YTHDC2: variants seen among roughly 807,000 people sequenced by gnomAD.
YTHDC2 encodes YTH N6-methyladenosine RNA binding protein C2, also known as 3'-5' RNA helicase YTHDC2.
In YTHDC2, 45 loss-of-function variants were observed where a neutral mutation model predicts 174.9. That is an observed-to-expected ratio of 0.26 (90% confidence interval 0.20 to 0.33). The LOEUF is 0.33. YTHDC2 is among the 10% of genes least tolerant of loss of function. YTHDC2 has a pLI of 1.00. For missense variants in YTHDC2, 1,650 were observed against 1,723.7 expected (o/e 0.96, Z 0.76); for synonymous variants, 657 against 574.5 (o/e 1.14, Z -2.05).
intron 26 of YTHDC2, among the ~76,000 whole-genome samples, chr5:113,585,476 T>A (rs527800284): frequency 4.6e-5 from 7 of 152,218 alleles, no homozygotes; most frequent in Admixed American, 4.6e-4. Flanking sequence ...GGTTTATTTA[T>A]ACACCTTTAT....
intron 2 of YTHDC2, among the ~76,000 whole-genome samples, chr5:113,516,723 CGGTA>C (rs111268359): frequency 0.32 from 48,951 of 151,636 alleles, 9,845 homozygotes; most frequent in African/African-American, 0.56. Context: ...TTCAGCTTAC[CGGTA>C]TGTTTTTAGG....
At position 113,591,130 on chromosome 5, in the gene YTHDC2, A is replaced by G. The variant is rs760986139; in HGVS notation, c.3915A>G (p.Gln1305=). 1 of 1,613,970 alleles carries G rather than the reference A, an allele frequency of 6.2e-7. No individual in the cohort carries two copies. The highest frequency in any genetic ancestry group is 8.5e-7 in the Non-Finnish European group (1 of 1,179,912). Residue 1305 remains glutamine, a synonymous_variant, in exon 27 of 30, where the codon CAA becomes CAG. Coordinates refer to ENST00000161863, the MANE Select transcript of YTHDC2 (RefSeq NM_022828.5). ...ATTTGAGAAACCTTGAAATTTCTCA[A>G]CAGAAGGGTATCTGGTCTACAACTC... ...SSNLRNLEIS[Q]QKGIWSTTPS... is the part of the protein sequence containing the mutation.
chr5:113,555,338 C>T (rs200577238), intron 16 of YTHDC2, among the ~76,000 whole-genome samples: 1 of 65,594 alleles, frequency 1.5e-5, no homozygotes, highest in African/African-American at 2.9e-5. Context: ...ATTATGCAAA[C>T]ATTTTTATTT....
At chr5:113,545,042 T>C (rs115712808) in intron 10 of YTHDC2, among the ~76,000 whole-genome samples, 1 of 152,226 alleles carries the variant, frequency 6.6e-6, no homozygotes, top group Non-Finnish European at 1.5e-5. Context: ...TGTTTATTCA[T>C]TATAAATTTT....
At chr5:113,581,820 T>G (rs542082379) in intron 25 of YTHDC2, 111 bp downstream of exon 25, 2 of 956,574 alleles carry the variant, frequency 2.1e-6, no homozygotes, top group Non-Finnish European at 2.8e-6. Flanking sequence ...TTTTATAATC[T>G]AAGATCCATG....
chr5:113,519,270 C>T (rs1044234668), intron 2 of YTHDC2, among the ~76,000 whole-genome samples: 2 of 152,188 alleles, frequency 1.3e-5, no homozygotes, highest in Middle Eastern at 3.4e-3. Context: ...CTAAAGTTTT[C>T]TTTGAAATTC....
chr5:113,593,310 A>C lies in YTHDC2; in HGVS notation c.4220A>C (p.Glu1407Ala). 6.2e-7 allele frequency: 1 copy of C among 1,612,234 alleles called. No homozygotes were observed. The highest frequency in any genetic ancestry group is 8.5e-7 in the Non-Finnish European group (1 of 1,178,842). The change falls in exon 29 of 30, where the codon GAA (glutamate) becomes GCA (alanine). Residue 1407 changes from glutamate to alanine, a missense_variant. By Grantham distance (107) the Glu-to-Ala change is moderately radical. Coordinates refer to ENST00000161863, the MANE Select transcript of YTHDC2 (RefSeq NM_022828.5). ...GACTTCTGATTTATCTAGGAACTAG[A>C]ACCTCTGGTTGGTGAACAGTTGCTC... ...VQISRDGQEL[E>A]PLVGEQLLQL...
Position 113,541,111 on chromosome 5 carries a change from C to G in YTHDC2, c.1354C>G (p.Gln452Glu). The stretch of plus-strand genomic sequence containing the variant: ...TGATGGTGGTGATGCTGTCTTCAGT[C>G]AGCTGGTATGACCTCCCTGGTTTCC... ...LDDGGDAVFS[Q>E]LTEKDVNCLE... is the part of the protein sequence containing the mutation. Residue 452 changes from glutamine (Q) to glutamate (E), a missense_variant, in exon 9 of 30, where the codon CAG (glutamine) becomes GAG (glutamate). Gln to Glu is a conservative substitution (Grantham distance 29). Around this residue, in one of 5 missense-constraint regions of YTHDC2, gnomAD observed 411 missense variants for 380.6 expected, o/e 1.08. Coordinates refer to ENST00000161863, the MANE Select transcript of YTHDC2 (RefSeq NM_022828.5). 2 of 1,613,842 alleles carry G rather than the reference C, an allele frequency of 1.2e-6. No homozygotes were observed. Among genetic ancestry groups the G allele is most frequent in the Non-Finnish European group, 1.7e-6 (2 of 1,179,950 alleles).
chr5:113,557,666 G>A (rs904783845), intron 17 of YTHDC2, among the ~76,000 whole-genome samples: 1 of 152,112 alleles, frequency 6.6e-6, no homozygotes, highest in Non-Finnish European at 1.5e-5. Context: ...TGGTGGCACA[G>A]GCCTGTGGGC....
At chr5:113,573,666 T>G (rs372090608) in intron 23 of YTHDC2, among the ~76,000 whole-genome samples, 12 of 152,304 alleles carry the variant, frequency 7.9e-5, no homozygotes, top group African/African-American at 2.6e-4. Context: ...GTTCATTTCT[T>G]TTTTCATTCT....
rs552277509 is a variant in YTHDC2 at position 113,570,817 on chromosome 5, A to T, written c.3244+2968A>T. ...AGACGTCTGCCACCATACTCCACTA[A>T]TTTTTTTTGTATTTTTAGTAGATTT... On this transcript the variant is annotated intron_variant, in intron 23 of 29. Transcript: ENST00000161863. Among the ~76,000 whole-genome samples, 45 of 151,468 alleles carry T rather than the reference A, an allele frequency of 3.0e-4. 1 individual carries two copies. Among genetic ancestry groups the T allele is most frequent in the African/African-American group, 1.0e-3 (42 of 41,286 alleles).
chr5:113,593,512 A>G lies in YTHDC2; in HGVS notation c.*38A>G, dbSNP rs923338096. On this transcript the variant is annotated 3_prime_UTR_variant, in exon 30 of 30. Transcript: ENST00000161863. ...TTAGCTGTGGAAGAACATCATGCCTATTTATAACCACTGAATGCACTGACT... is the reference window on the plus strand; with the variant it reads ...TTAGCTGTGGAAGAACATCATGCCTGTTTATAACCACTGAATGCACTGACT... The G allele has an allele frequency of 9.5e-6, 7 of 739,702 alleles. No individual in the cohort carries two copies. The African/African-American group carries it at 1.1e-4, about 11-fold the overall frequency. 45.8% of individuals were successfully genotyped at this position (739,702 alleles called of 1,614,324 possible).
chr5:113,567,674 A>G lies in YTHDC2; in HGVS notation c.3069A>G (p.Gln1023=). Residue 1023 remains glutamine (Q), a synonymous_variant, in exon 23 of 30, where the codon CAA becomes CAG. Coordinates refer to ENST00000161863, the MANE Select transcript of YTHDC2 (RefSeq NM_022828.5). ...AATAGATTCCTCCAGCCAATGGTCA[A>G]GCTGCAGCAATTAAGGCACTGCCCA... is the stretch of plus-strand genomic sequence containing the variant. ...QYKKIPPANG[Q]AAAIKALPTD... The G allele has an allele frequency of 4.4e-6, 7 of 1,603,500 alleles. No homozygotes were observed. The highest frequency in any genetic ancestry group is 1.1e-5 in the South Asian group (1 of 88,326).
chr5:113,560,644 T>C lies in YTHDC2; in HGVS notation c.2217-436T>C, dbSNP rs1400655599. Among the ~76,000 whole-genome samples, 4 of 152,322 alleles carry C rather than the reference T, an allele frequency of 2.6e-5. No homozygotes were observed. In the East Asian group the frequency reaches 7.7e-4, roughly 29 times the overall value. Reference sequence around the variant, plus strand: ...GCTGCTTCATAGAAAATTATGCAAGTCTTTATGATGACAGGATAAATGGCA... The same window carrying C: ...GCTGCTTCATAGAAAATTATGCAAGCCTTTATGATGACAGGATAAATGGCA... On this transcript the variant is annotated intron_variant, in intron 17 of 29. Coordinates refer to ENST00000161863, the MANE Select transcript of YTHDC2 (RefSeq NM_022828.5).
At chr5:113,589,403 AAAAAAAT>A (rs1561713806) in intron 26 of YTHDC2, among the ~76,000 whole-genome samples, 1 of 120,624 alleles carries the variant, frequency 8.3e-6, no homozygotes, top group African/African-American at 3.5e-5. Context: ...ATTAAAAAAA[AAAAAAAT>A]ATATATATAT....
chr5:113,548,899 C>G (rs1776063133), intron 11 of YTHDC2, 56 bp from the exon 12 acceptor site: 1 of 1,534,134 alleles, frequency 6.5e-7, no homozygotes, highest in Non-Finnish European at 8.9e-7. Flanking sequence ...CCAGGCTCAT[C>G]ATGAACTAGT....
intron 26 of YTHDC2, among the ~76,000 whole-genome samples, chr5:113,587,612 A>G (rs1778766743): frequency 6.9e-6 from 1 of 145,908 alleles, no homozygotes; most frequent in Non-Finnish European, 1.5e-5. Flanking sequence ...ACATATTATT[A>G]TATATATATT....
At chr5:113,574,404 C>T (rs1777913042) in intron 23 of YTHDC2, among the ~76,000 whole-genome samples, 1 of 152,138 alleles carries the variant, frequency 6.6e-6, no homozygotes, top group African/African-American at 2.4e-5. Context: ...TGACTGGAAG[C>T]CCCTGTTCTG....
At chr5:113,569,619 G>GT (rs1465921932) in intron 23 of YTHDC2, among the ~76,000 whole-genome samples, 2 of 152,092 alleles carry the variant, frequency 1.3e-5, no homozygotes, top group South Asian at 4.1e-4. Context: ...CTCATTGCTT[G>GT]TTTTTGTCAG....
Sources: gnomAD v4.1 joint callset for allele counts (sites outside exome capture counted in the v4.1 genomes callset) on GRCh38, gnomAD v4.1.1 for gene constraint, gnomAD v4.1.1 regional missense constraint, MANE v1.5 for transcripts, NCBI Gene and HGNC (gene_info 2026-07-23, HGNC 2026-07-21) for gene names.